NIFK: variants seen among roughly 807,000 people sequenced by gnomAD.
NIFK encodes MKI67 FHA domain-interacting nucleolar phosphoprotein.
In NIFK, 16 loss-of-function variants were observed where a neutral mutation model predicts 31.7. That is an observed-to-expected ratio of 0.50 (90% CI 0.34 to 0.77). NIFK has a LOEUF of 0.77. NIFK is among the 30% of genes least tolerant of loss of function. The pLI is 0.01. For missense variants in NIFK, 341 were observed against 350.4 expected (o/e 0.97, Z 0.21); for synonymous variants, 126 against 123.0 (o/e 1.02, Z -0.16).
intron 2 of NIFK, among the ~76,000 whole-genome samples, chr2:121,734,589 G>A (rs1226095739): frequency 6.6e-6 from 1 of 152,018 alleles, no homozygotes; most frequent in Non-Finnish European, 1.5e-5. Context: ...TCAGGAGTTC[G>A]AGACCAGCCT....
At position 121,733,547 on chromosome 2, in the gene NIFK, C is replaced by T. The variant is rs1198383063; in HGVS notation, c.244-1343G>A. 2.7e-5 allele frequency among the ~76,000 whole-genome samples: 4 copies of T among 150,096 alleles called. No individual in the cohort carries two copies. The East Asian group carries it at 5.9e-4, about 22-fold the overall frequency. On this transcript the variant is annotated intron_variant, in intron 2 of 6. Coordinates refer to ENST00000285814, the MANE Select transcript of NIFK (RefSeq NM_032390.5). ...AAAAAAAATTAGCCAGGCATGGTGG[C>T]AGGCACCTATAATCCCAGCTACTCG... is the stretch of plus-strand genomic sequence containing the variant.
chr2:121,736,192 G>A (rs56974842), intron 1 of NIFK, among the ~76,000 whole-genome samples: 19,084 of 152,222 alleles, frequency 0.13, 2,790 homozygotes, highest in African/African-American at 0.35. Context: ...CTCTGTAACA[G>A]GAACTTCTAA....
At position 121,735,765 on chromosome 2, in the gene NIFK, A is replaced by C; in HGVS notation, c.106-15T>G. The C allele has an allele frequency of 6.2e-7, 1 of 1,602,794 alleles. No individual in the cohort carries two copies. Among genetic ancestry groups the C allele is most frequent in the Non-Finnish European group, 8.5e-7 (1 of 1,175,130 alleles). ...TGTTTTTTTCGCTAAAGACGTAAAG[A>C]CCAGGTAAATTAAATATATAAATAA... On this transcript the variant is annotated splice_polypyrimidine_tract_variant and intron_variant, in intron 1 of 6. Coordinates refer to ENST00000285814, the MANE Select transcript of NIFK (RefSeq NM_032390.5).
intron 3 of NIFK, among the ~76,000 whole-genome samples, chr2:121,731,628 C>G (rs1447912105): frequency 6.6e-6 from 1 of 152,166 alleles, no homozygotes; most frequent in Admixed American, 6.5e-5. Context: ...TGACCTGAAG[C>G]CTCTTCTTGC....
chr2:121,728,673 C>T (rs1459905549), intron 4 of NIFK, 137 bp from the exon 5 acceptor site: 7 of 573,206 alleles, frequency 1.2e-5, no homozygotes, highest in East Asian at 1.2e-4. Flanking sequence ...CTCATAAATA[C>T]AGTGAATTAT....
At chr2:121,729,127 C>G (rs1325528233) in intron 4 of NIFK, among the ~76,000 whole-genome samples, 1 of 151,858 alleles carries the variant, frequency 6.6e-6, no homozygotes, top group African/African-American at 2.4e-5. Flanking sequence ...TTGGGGAGGC[C>G]AAGGTGGGTG....
chr2:121,730,213 G>A (rs906473236), intron 4 of NIFK, among the ~76,000 whole-genome samples: 1 of 151,560 alleles, frequency 6.6e-6, no homozygotes. Context: ...GCAAGACTCT[G>A]TCTCAAAAAA....
intron 2 of NIFK, among the ~76,000 whole-genome samples, chr2:121,733,076 C>T (rs541409943): frequency 1.3e-5 from 2 of 151,486 alleles, no homozygotes; most frequent in African/African-American, 2.4e-5. Flanking sequence ...AATAAGACTC[C>T]ATCTCAAAAA....
intron 2 of NIFK, among the ~76,000 whole-genome samples, chr2:121,734,637 CA>C (rs1559906651): frequency 6.6e-6 from 1 of 151,820 alleles, no homozygotes; most frequent in African/African-American, 2.4e-5. Context: ...GTAAAACACA[CA>C]AAAAATTAGC....
chr2:121,733,469 T>A (rs1178151104), intron 2 of NIFK, among the ~76,000 whole-genome samples: 1 of 150,158 alleles, frequency 6.7e-6, no homozygotes, highest in African/African-American at 2.5e-5. Flanking sequence ...GAGCCAAGAC[T>A]GTGCCACTGC....
At chr2:121,734,029 T>C (rs550322399) in intron 2 of NIFK, among the ~76,000 whole-genome samples, 3 of 152,266 alleles carry the variant, frequency 2.0e-5, no homozygotes, top group South Asian at 4.1e-4. Context: ...CGCTCATGCT[T>C]GTAATCCCAG....
chr2:121,732,725 T>G (rs1181449798), intron 2 of NIFK, among the ~76,000 whole-genome samples: 1 of 152,188 alleles, frequency 6.6e-6, no homozygotes, highest in Non-Finnish European at 1.5e-5. Context: ...GGCTCACCCC[T>G]GCAATCTCAG....
At chr2:121,728,258 T>G in intron 6 of NIFK, 30 bp downstream of exon 6, 1 of 1,316,354 alleles carries the variant, frequency 7.6e-7, no homozygotes, top group South Asian at 1.3e-5. Context: ...CTATAATATC[T>G]GGTGTCTGGA....
rs149855862 is a variant in NIFK, at chr2:121,736,803, C to T, written c.48G>A (p.Pro16=). The part of the protein sequence containing the change: ...GPAGPILSLN[P]QEDVEFQKEV... Reference sequence around the variant, plus strand: ...CCTTTTGAAACTCGACATCTTCCTGCGGATTAAGCGACAGGATTGGCCCAG... The same window carrying T: ...CCTTTTGAAACTCGACATCTTCCTGTGGATTAAGCGACAGGATTGGCCCAG... The change falls in exon 1 of 7, where the codon CCG becomes CCA. Residue 16 remains proline, a synonymous_variant. Coordinates refer to ENST00000285814, the MANE Select transcript of NIFK (RefSeq NM_032390.5). The T allele has an allele frequency of 3.7e-5, 60 of 1,614,050 alleles. No homozygotes were observed. In the African/African-American group the frequency reaches 6.8e-4, roughly 18 times the overall value.
At chr2:121,734,225 G>C (rs1419450861) in intron 2 of NIFK, among the ~76,000 whole-genome samples, 1 of 152,000 alleles carries the variant, frequency 6.6e-6, no homozygotes, top group East Asian at 1.9e-4. Flanking sequence ...GAATCTGGGA[G>C]GCAGAGGTTG....
intron 6 of NIFK, 123 bp from the exon 7 acceptor site, chr2:121,728,035 C>G: frequency 2.2e-6 from 2 of 929,620 alleles, no homozygotes; most frequent in South Asian, 3.9e-5. Flanking sequence ...CTGTTACCAT[C>G]TTTTGGTGAT....
At chr2:121,728,439 C>T in intron 5 of NIFK, 38 bp downstream of exon 5, 3 of 1,502,974 alleles carry the variant, frequency 2.0e-6, no homozygotes, top group Non-Finnish European at 2.7e-6. Flanking sequence ...TTATCCTTCT[C>T]TAATATCTTG....
chr2:121,731,479 T>C (rs926621960), intron 3 of NIFK, among the ~76,000 whole-genome samples: 1 of 152,206 alleles, frequency 6.6e-6, no homozygotes, highest in Admixed American at 6.5e-5. Flanking sequence ...CTCCACTCCC[T>C]CTGGCTTCTC....
chr2:121,729,971 TG>T (rs1381889913), intron 4 of NIFK, among the ~76,000 whole-genome samples: 1 of 152,156 alleles, frequency 6.6e-6, no homozygotes, highest in Non-Finnish European at 1.5e-5. Context: ...CCAGCACTTT[TG>T]GAGGCTGAGG....
Sources: allele counts gnomAD v4.1 joint callset (sites outside exome capture counted in the v4.1 genomes callset), GRCh38; gene constraint gnomAD v4.1.1; transcripts MANE v1.5; gene names NCBI Gene and HGNC (gene_info 2026-07-23, HGNC 2026-07-21).